The following ADGRF4 variants were observed in gnomAD, a reference collection of about 807,000 sequenced individuals.
ADGRF4 encodes G-protein coupled receptor PGR18.
Under a neutral mutation model 58.5 loss-of-function variants are expected in ADGRF4, and 63 were observed. The ratio of observed to expected loss-of-function variants is 1.08; its 90% CI spans 0.88 to 1.33. ADGRF4 has a LOEUF of 1.33. Ranked by LOEUF, ADGRF4 falls within the 40% of genes most tolerant of loss-of-function variation. The pLI, the probability that ADGRF4 is intolerant of heterozygous loss-of-function variation, is 0.00. For missense variants in ADGRF4, 931 were observed against 843.9 expected (o/e 1.10, Z -1.28); for synonymous variants, 313 against 295.4 (o/e 1.06, Z -0.61).
chr6:47,707,738 A>G (rs9381600), intron 2 of ADGRF4, among the ~76,000 whole-genome samples: 37,352 of 152,052 alleles, frequency 0.25, 4,762 homozygotes, highest in African/African-American at 0.28. Context: ...TATTATTTAT[A>G]GTTCTTTATA....
chr6:47,709,290 G>A (rs180840038), intron 3 of ADGRF4, among the ~76,000 whole-genome samples: 123 of 152,338 alleles, frequency 8.1e-4, no homozygotes, highest in Non-Finnish European at 8.5e-4. Context: ...TGAAGTGCAT[G>A]CACTCTGACC....
intron 4 of ADGRF4, 78 bp downstream of exon 4, chr6:47,710,964 C>T: frequency 1.5e-6 from 2 of 1,343,298 alleles, no homozygotes; most frequent in Non-Finnish European, 2.0e-6. Context: ...GTGATCTGTT[C>T]AGCATGACAA....
chr6:47,707,407 G>T, intron 2 of ADGRF4, 69 bp downstream of exon 2: 1 of 852,626 alleles, frequency 1.2e-6, no homozygotes, highest in South Asian at 1.3e-5. Context: ...CAAGACTTCT[G>T]ATAAATAAGA....
intron 9 of ADGRF4, among the ~76,000 whole-genome samples, chr6:47,720,308 A>G (rs1772128654): frequency 6.6e-6 from 1 of 152,176 alleles, no homozygotes; most frequent in Non-Finnish European, 1.5e-5. Flanking sequence ...GGGCTGAACC[A>G]CGAGGGAAGG....
chr6:47,719,322 T>G (rs1296032001), intron 9 of ADGRF4, among the ~76,000 whole-genome samples: 1 of 151,612 alleles, frequency 6.6e-6, no homozygotes, highest in Non-Finnish European at 1.5e-5. Flanking sequence ...GAGAGAGAGG[T>G]GGAGGGCTGT....
intron 1 of ADGRF4, 58 bp from the exon 2 acceptor site, chr6:47,707,172 T>G (rs1450312563): frequency 5.4e-6 from 5 of 922,900 alleles, no homozygotes; most frequent in African/African-American, 4.9e-5. Context: ...CGGATAAGTA[T>G]TGTTAGTTGC....
intron 4 of ADGRF4, 40 bp from the exon 5 acceptor site, chr6:47,712,317 C>T (rs761456820): frequency 1.2e-6 from 2 of 1,603,582 alleles, no homozygotes; most frequent in African/African-American, 2.7e-5. Context: ...ATGGTAGGTA[C>T]TTAATCATTT....
chr6:47,717,232 G>A (rs983161558), intron 7 of ADGRF4, 60 bp from the exon 8 acceptor site: 12 of 1,198,888 alleles, frequency 1.0e-5, no homozygotes, highest in Non-Finnish European at 1.5e-5. Flanking sequence ...TTCAGGACAG[G>A]CAATTCTGTT....
chr6:47,719,139 C>T (rs1480305999), intron 9 of ADGRF4, among the ~76,000 whole-genome samples: 1 of 152,124 alleles, frequency 6.6e-6, no homozygotes, highest in African/African-American at 2.4e-5. Flanking sequence ...TATTTCTTTC[C>T]CTTTCTAAGT....
At chr6:47,704,409 A>T (rs1356392184) in intron 1 of ADGRF4, among the ~76,000 whole-genome samples, 3 of 152,090 alleles carry the variant, frequency 2.0e-5, no homozygotes, top group Non-Finnish European at 4.4e-5. Flanking sequence ...TATGATCTGA[A>T]ATGTGGAGAG....
intron 9 of ADGRF4, 72 bp downstream of exon 9, chr6:47,718,517 C>A: frequency 1.2e-6 from 1 of 859,304 alleles, no homozygotes; most frequent in South Asian, 1.3e-5. Flanking sequence ...CTTGTGACCA[C>A]ACTATTGCCT....
In ADGRF4 at chr6:47,710,785, G is replaced by C. The variant is rs1561866907; in HGVS notation, c.199G>C (p.Ala67Pro). The C allele has an allele frequency of 1.2e-6, 2 of 1,613,466 alleles. No homozygotes were observed. The highest frequency in any genetic ancestry group is 1.7e-6 in the Non-Finnish European group (2 of 1,179,638). The change falls in exon 4 of 10, where the codon GCT becomes CCT. Residue 67 changes from alanine to proline, a missense_variant. Coordinates refer to ENST00000283303, the MANE Select transcript of ADGRF4 (RefSeq NM_153838.5). ...ISSSNCSQPC[A>P]KDFHGEIGFT... ...TTCTTCCAACTGCAGCCAGCCCTGTGCTAAGGACTTTCATGGAGAAATAGG... is the reference window on the plus strand; with the variant it reads ...TTCTTCCAACTGCAGCCAGCCCTGTCCTAAGGACTTTCATGGAGAAATAGG...
chr6:47,704,510 T>G (rs995179084), intron 1 of ADGRF4, among the ~76,000 whole-genome samples: 2 of 152,160 alleles, frequency 1.3e-5, no homozygotes, highest in African/African-American at 4.8e-5. Flanking sequence ...TGAAGAAGAC[T>G]TCAGTATAAT....
chr6:47,712,506 G>A lies in ADGRF4; in HGVS notation c.450G>A (p.Val150=). 1.2e-6 allele frequency: 2 copies of A among 1,613,786 alleles called. No individual in the cohort carries two copies. The highest frequency in any genetic ancestry group is 1.7e-6 in the Non-Finnish European group (2 of 1,179,726). The change falls in exon 5 of 10, where the codon GTG becomes GTA. Residue 150 remains valine (V), a synonymous_variant. Coordinates refer to ENST00000283303, the MANE Select transcript of ADGRF4 (RefSeq NM_153838.5). ...ATTATGCCTGCATCACTGACATGGT[G>A]AAATCATCAGAAACAACATCTGGAA... is the stretch of plus-strand genomic sequence containing the variant. The part of the protein sequence containing the change: ...PFDYACITDM[V]KSSETTSGNI...
chr6:47,709,071 T>C (rs533425351), intron 3 of ADGRF4, among the ~76,000 whole-genome samples: 1 of 152,354 alleles, frequency 6.6e-6, no homozygotes, highest in Admixed American at 6.5e-5. Context: ...ATGCAAATTT[T>C]GCAAACAAGG....
chr6:47,701,202 C>T (rs531442310), intron 1 of ADGRF4, among the ~76,000 whole-genome samples: 24 of 152,294 alleles, frequency 1.6e-4, no homozygotes, highest in African/African-American at 5.5e-4. Context: ...TTATCTTTTT[C>T]TTTGTAATGA....
chr6:47,712,245 C>T, intron 4 of ADGRF4, 112 bp from the exon 5 acceptor site: 3 of 1,040,176 alleles, frequency 2.9e-6, no homozygotes, highest in Middle Eastern at 3.0e-4. Flanking sequence ...CTTTTTAGGA[C>T]TCTTTGCTTC....
intron 6 of ADGRF4, among the ~76,000 whole-genome samples, chr6:47,716,332 T>TC (rs1359723211): frequency 6.8e-6 from 1 of 147,796 alleles, no homozygotes; most frequent in Non-Finnish European, 1.5e-5. Flanking sequence ...TGTAGAAATG[T>TC]TTTTTTTTTC....
intron 5 of ADGRF4, among the ~76,000 whole-genome samples, chr6:47,713,064 G>A (rs1219276818): frequency 6.6e-6 from 1 of 152,166 alleles, no homozygotes; most frequent in African/African-American, 2.4e-5. Flanking sequence ...TAGAAGCACG[G>A]ACCTTATTGT....
Sources: gnomAD v4.1 joint callset for allele counts (sites outside exome capture counted in the v4.1 genomes callset) on GRCh38, gnomAD v4.1.1 for gene constraint, MANE v1.5 for transcripts, NCBI Gene and HGNC (gene_info 2026-07-23, HGNC 2026-07-21) for gene names.